Variants in TLK1 observed in about 807,000 individuals in gnomAD.
TLK1 encodes serine/threonine-protein kinase tousled-like 1.
Under a neutral mutation model 105.3 loss-of-function variants are expected in TLK1, and 24 were observed. That is an observed-to-expected ratio of 0.23 (90% CI 0.17 to 0.32). The LOEUF (loss-of-function observed/expected upper bound fraction) is 0.32, where lower values mean the gene tolerates loss of function less well. Among genes scored for constraint, TLK1 ranks in the 10% least tolerant of loss-of-function variants. The pLI is 1.00. For synonymous variants in TLK1, 321 were observed against 310.4 expected, an observed-to-expected ratio of 1.03 and a Z score of -0.36; for missense variants, 558 against 910.5, an observed-to-expected ratio of 0.61 and a Z score of 4.98.
intron 2 of TLK1, among the ~76,000 whole-genome samples, chr2:171,090,248 A>T (rs1303918592): frequency 6.6e-6 from 1 of 152,122 alleles, no homozygotes; most frequent in East Asian, 1.9e-4. Flanking sequence ...TGTATATGGT[A>T]CCTTTCTAAA....
At chr2:171,082,906 G>C in intron 2 of TLK1, 54 bp from the exon 3 acceptor site, 1 of 1,237,970 alleles carries the variant, frequency 8.1e-7, no homozygotes, top group Non-Finnish European at 1.2e-6. Flanking sequence ...TTAAAGCAGC[G>C]GGAATAATTT....
chr2:171,012,509 C>CA (rs1443562998), intron 13 of TLK1, among the ~76,000 whole-genome samples: 7 of 152,002 alleles, frequency 4.6e-5, no homozygotes, highest in African/African-American at 1.7e-4. Flanking sequence ...TTTTTGGAGA[C>CA]AGAGTCTCGC....
At chr2:171,195,161 C>G (rs1244637143) in intron 1 of TLK1, among the ~76,000 whole-genome samples, 1 of 152,118 alleles carries the variant, frequency 6.6e-6, no homozygotes, top group African/African-American at 2.4e-5. Flanking sequence ...CTGAAAACAC[C>G]CTTTTCCTGA....
intron 14 of TLK1, among the ~76,000 whole-genome samples, chr2:171,009,407 C>T (rs1289501577): frequency 1.4e-5 from 2 of 145,198 alleles, no homozygotes; most frequent in Middle Eastern, 3.6e-3. Flanking sequence ...AAGGTTCAAG[C>T]GATTATCATG....
At chr2:171,121,435 G>C (rs1008533011) in intron 1 of TLK1, among the ~76,000 whole-genome samples, 5 of 152,154 alleles carry the variant, frequency 3.3e-5, no homozygotes, top group African/African-American at 1.2e-4. Context: ...AGGAGCTGAG[G>C]TGGGAGGACT....
chr2:171,204,535 AT>A (rs1166642882), intron 1 of TLK1, among the ~76,000 whole-genome samples: 2 of 148,062 alleles, frequency 1.4e-5, no homozygotes, highest in Middle Eastern at 3.3e-3. Context: ...AACTTGTGTC[AT>A]TTTGTGTCAT....
At chr2:171,119,483 G>A (rs1484180855) in intron 1 of TLK1, among the ~76,000 whole-genome samples, 1 of 152,178 alleles carries the variant, frequency 6.6e-6, no homozygotes, top group Non-Finnish European at 1.5e-5. Flanking sequence ...GGTCTGCCAA[G>A]TCTTAAGCCT....
intron 1 of TLK1, among the ~76,000 whole-genome samples, chr2:171,138,073 T>C (rs892977619): frequency 2.6e-5 from 4 of 152,104 alleles, no homozygotes; most frequent in Non-Finnish European, 5.9e-5. Flanking sequence ...GAACTAATGA[T>C]AAAAAGTTTG....
chr2:171,216,743 C>T (rs1195704046), intron 1 of TLK1, among the ~76,000 whole-genome samples: 1 of 152,092 alleles, frequency 6.6e-6, no homozygotes, highest in Non-Finnish European at 1.5e-5. Context: ...TCCAATATAA[C>T]TGATGTTCTT....
At chr2:171,184,519 G>A (rs1456542411) in intron 1 of TLK1, among the ~76,000 whole-genome samples, 2 of 151,774 alleles carry the variant, frequency 1.3e-5, no homozygotes, top group Non-Finnish European at 2.9e-5. Context: ...GCTCATGCCT[G>A]TAGTCCCAGC....
rs189422311 is a variant in TLK1, at chr2:171,029,895, G to A, written c.1170-1490C>T. Among the ~76,000 whole-genome samples the A allele has an allele frequency of 3.7e-3, 557 of 152,172 alleles. 2 individuals are homozygous for A. Among genetic ancestry groups the A allele is most frequent in the African/African-American group, 0.012 (516 of 41,520 alleles). ...AGAGTAGCTGCGACTACAGGCACAC[G>A]CCACCATGCCTAGCTAAGTTTTGCA... is the stretch of plus-strand genomic sequence containing the variant. On this transcript the variant is annotated intron_variant, in intron 11 of 20. Transcript: ENST00000431350.
At chr2:171,046,060 C>T in intron 11 of TLK1, 114 bp downstream of exon 11, 1 of 930,852 alleles carries the variant, frequency 1.1e-6, no homozygotes, top group Non-Finnish European at 1.5e-6. Context: ...TGCCTTCCTT[C>T]CTGGTCTTAA....
intron 2 of TLK1, among the ~76,000 whole-genome samples, chr2:171,090,726 T>G (rs1020961098): frequency 6.6e-6 from 1 of 152,236 alleles, no homozygotes; most frequent in South Asian, 2.1e-4. Flanking sequence ...ATGCTTTTTA[T>G]ACCAGAATTC....
chr2:171,079,475 T>A (rs1025853361), intron 3 of TLK1, among the ~76,000 whole-genome samples: 1 of 152,258 alleles, frequency 6.6e-6, no homozygotes, highest in Non-Finnish European at 1.5e-5. Flanking sequence ...TTCATCTTTA[T>A]ATTCTCTGTG....
intron 1 of TLK1, among the ~76,000 whole-genome samples, chr2:171,205,337 T>C (rs199911789): frequency 4.8e-4 from 65 of 136,540 alleles, no homozygotes; most frequent in East Asian, 1.8e-3. Context: ...TTTTTTTTTT[T>C]CCCCCAACAG....
intron 3 of TLK1, among the ~76,000 whole-genome samples, chr2:171,068,849 T>C (rs964766346): frequency 6.6e-6 from 1 of 152,186 alleles, no homozygotes; most frequent in African/African-American, 2.4e-5. Flanking sequence ...AAAAGTCAAA[T>C]GGGTTGTCAT....
At chr2:171,038,758 T>C (rs1686501864) in intron 11 of TLK1, among the ~76,000 whole-genome samples, 1 of 152,146 alleles carries the variant, frequency 6.6e-6, no homozygotes, top group Non-Finnish European at 1.5e-5. Context: ...TTATAACCAA[T>C]TTTTTTATAG....
intron 18 of TLK1, among the ~76,000 whole-genome samples, chr2:171,001,512 A>G (rs1684370520): frequency 6.6e-6 from 1 of 152,202 alleles, no homozygotes; most frequent in South Asian, 2.1e-4. Flanking sequence ...AAAGACTGGC[A>G]GCTGGTATTT....
In TLK1 at chr2:171,159,704, A is replaced by C. The variant is rs537852069; in HGVS notation, c.139+586T>G. 5 of 152,372 alleles carry C rather than the reference A, an allele frequency of 3.3e-5. No homozygotes were observed. The South Asian group carries it at 1.0e-3, about 32-fold the overall frequency. The allele number at this position is 152,372 out of a possible 1,614,324, so 9.4% of individuals were successfully genotyped here. On this transcript the variant is annotated intron_variant, in intron 1 of 20. Transcript: ENST00000431350. ...GCCCACGAGTCAGTCTGTCGTTTAA[A>C]TTGCTCTAGGGGGCCACACAGGGGA...
Sources: allele counts gnomAD v4.1 joint callset (sites outside exome capture counted in the v4.1 genomes callset), GRCh38; gene constraint gnomAD v4.1.1; transcripts MANE v1.5; gene names NCBI Gene and HGNC (gene_info 2026-07-23, HGNC 2026-07-21).